NAALADL2: variants seen among roughly 807,000 people sequenced by gnomAD.
The protein encoded by NAALADL2 is N-acetylated alpha-linked acidic dipeptidase like 2.
A neutral mutation model predicts 87.2 loss-of-function variants in NAALADL2; 76 were observed. The observed-to-expected ratio is 0.87, with a 90% CI of 0.72 to 1.05. The LOEUF (loss-of-function observed/expected upper bound fraction) is 1.05, where lower values mean the gene tolerates loss of function less well. NAALADL2 is among the 50% of genes least tolerant of loss of function. The pLI is 0.00. For synonymous variants in NAALADL2, 354 were observed against 331.0 expected (o/e 1.07, Z -0.75); for missense variants, 1,089 against 945.8 (o/e 1.15, Z -1.99).
chr3:175,111,188 C>T (rs779452973), intron 2 of NAALADL2, among the ~76,000 whole-genome samples: 5 of 151,560 alleles, frequency 3.3e-5, no homozygotes, highest in African/African-American at 7.3e-5. Flanking sequence ...CTTTGCTCTA[C>T]GGAATATTTA....
At chr3:174,530,644 A>G (rs1460768437) in intron 1 of NAALADL2, among the ~76,000 whole-genome samples, 2 of 152,206 alleles carry the variant, frequency 1.3e-5, no homozygotes, top group African/African-American at 4.8e-5. Flanking sequence ...CATGTCTCAT[A>G]TGGCAGCAGA....
chr3:174,919,480 C>T (rs912792290), intron 1 of NAALADL2, among the ~76,000 whole-genome samples: 1 of 152,180 alleles, frequency 6.6e-6, no homozygotes, highest in East Asian at 1.9e-4. Context: ...TAAATAACAA[C>T]TTCTCATCCG....
chr3:175,467,937 T>C (rs1297110328), intron 8 of NAALADL2, among the ~76,000 whole-genome samples: 1 of 152,114 alleles, frequency 6.6e-6, no homozygotes, highest in East Asian at 1.9e-4. Flanking sequence ...TTGTGATTTG[T>C]TTTAAAAAAG....
At chr3:175,093,716 C>T (rs1580406087) in intron 1 of NAALADL2, among the ~76,000 whole-genome samples, 2 of 151,768 alleles carry the variant, frequency 1.3e-5, no homozygotes, top group Admixed American at 6.6e-5. Flanking sequence ...GAGTTTGTTA[C>T]ACCAAGTGAC....
chr3:175,273,110 T>A (rs187810878), intron 4 of NAALADL2, among the ~76,000 whole-genome samples: 1 of 152,222 alleles, frequency 6.6e-6, no homozygotes. Flanking sequence ...TTTTAATATA[T>A]GTTTCATTTC....
At chr3:175,646,109 T>G (rs1335447594) in intron 11 of NAALADL2, among the ~76,000 whole-genome samples, 1 of 152,124 alleles carries the variant, frequency 6.6e-6, no homozygotes, top group Non-Finnish European at 1.5e-5. Flanking sequence ...TATAAACCAT[T>G]TAAGTCTCCA....
intron 13 of NAALADL2, among the ~76,000 whole-genome samples, chr3:175,790,600 T>C (rs574269866): frequency 5.1e-4 from 77 of 152,346 alleles, no homozygotes; most frequent in Middle Eastern, 3.4e-3. Context: ...ATGCAACGTC[T>C]AAGATTCCTA....
intron 10 of NAALADL2, among the ~76,000 whole-genome samples, chr3:175,612,658 A>C (rs544774086): frequency 6.6e-6 from 1 of 152,296 alleles, no homozygotes; most frequent in East Asian, 1.9e-4. Flanking sequence ...AAAGCTTTTC[A>C]AGAGGCTAAC....
At chr3:174,472,256 C>G (rs1716952254) in intron 1 of NAALADL2, among the ~76,000 whole-genome samples, 1 of 152,156 alleles carries the variant, frequency 6.6e-6, no homozygotes, top group Non-Finnish European at 1.5e-5. Flanking sequence ...ATACCTTTTC[C>G]AGTTTAAGGA....
At chr3:174,999,497 G>A (rs1004807082) in intron 1 of NAALADL2, among the ~76,000 whole-genome samples, 9 of 151,994 alleles carry the variant, frequency 5.9e-5, no homozygotes, top group Admixed American at 2.0e-4. Context: ...TATTTCTTAC[G>A]GTGCTTTTCA....
intron 1 of NAALADL2, among the ~76,000 whole-genome samples, chr3:174,956,155 G>A (rs750592414): frequency 6.6e-6 from 1 of 151,956 alleles, no homozygotes; most frequent in Non-Finnish European, 1.5e-5. Context: ...GAAGTCAGTT[G>A]CAGAAGATCA....
intron 1 of NAALADL2, among the ~76,000 whole-genome samples, chr3:175,010,579 G>A (rs1330087966): frequency 6.6e-6 from 1 of 152,132 alleles, no homozygotes; most frequent in African/African-American, 2.4e-5. Flanking sequence ...GGGTAAAAAT[G>A]GAGAAACACA....
At chr3:174,496,025 A>T (rs1164549437) in intron 1 of NAALADL2, among the ~76,000 whole-genome samples, 1 of 152,046 alleles carries the variant, frequency 6.6e-6, no homozygotes, top group Non-Finnish European at 1.5e-5. Context: ...TGATTGTATG[A>T]CTGTGCTCTT....
chr3:175,355,950 GA>G (rs1384511635), intron 5 of NAALADL2, among the ~76,000 whole-genome samples: 2 of 152,250 alleles, frequency 1.3e-5, no homozygotes, highest in Admixed American at 6.5e-5. Flanking sequence ...CCTAAGTTAA[GA>G]ATTATAAGCA....
chr3:174,868,466 T>C (rs73041793), intron 1 of NAALADL2, among the ~76,000 whole-genome samples: 2,990 of 152,270 alleles, frequency 0.02, 85 homozygotes, highest in African/African-American at 0.068. Flanking sequence ...ATAAATGTTT[T>C]TTCTGTTCCC....
intron 3 of NAALADL2, among the ~76,000 whole-genome samples, chr3:174,757,235 G>A (rs780576891): frequency 5.9e-5 from 9 of 152,186 alleles, no homozygotes; most frequent in African/African-American, 4.8e-5. Context: ...GACAAAGCAC[G>A]TTTGTTCTGC....
intron 5 of NAALADL2, among the ~76,000 whole-genome samples, chr3:175,400,901 T>C (rs926334102): frequency 2.0e-5 from 3 of 152,160 alleles, no homozygotes; most frequent in Non-Finnish European, 2.9e-5. Context: ...AATTAGCACG[T>C]ATTACCATTT....
At chr3:174,809,678 G>T (rs1345025121) in intron 3 of NAALADL2, among the ~76,000 whole-genome samples, 1 of 151,714 alleles carries the variant, frequency 6.6e-6, no homozygotes, top group Non-Finnish European at 1.5e-5. Context: ...GTAATTATTT[G>T]ATGGTAAATA....
chr3:174,631,978 G>A (rs1016047777), intron 2 of NAALADL2: 1 of 152,184 alleles, frequency 6.6e-6, no homozygotes, highest in African/African-American at 2.4e-5. Context: ...TCTGAAAGAG[G>A]ATCAGTCATG....
Sources: allele counts gnomAD v4.1 joint callset (sites outside exome capture counted in the v4.1 genomes callset), GRCh38; gene constraint gnomAD v4.1.1; transcripts MANE v1.5; gene names NCBI Gene and HGNC (gene_info 2026-07-23, HGNC 2026-07-21).